Variants in PRKG1 observed in about 807,000 individuals in gnomAD.
The protein encoded by PRKG1 is cGMP-dependent protein kinase 1.
In PRKG1, 35 loss-of-function variants were observed where a neutral mutation model predicts 88.1. The ratio of observed to expected loss-of-function variants is 0.40; its 90% CI spans 0.30 to 0.53. The LOEUF is 0.53. Ranked by LOEUF, PRKG1 falls within the 20% of genes least tolerant of loss-of-function variation. The pLI is 0.59. For missense variants in PRKG1, 540 were observed against 839.8 expected (o/e 0.64, Z 4.41); for synonymous variants, 303 against 292.5 (o/e 1.04, Z -0.37).
chr10:51,453,534 AT>A (rs1233611498), intron 2 of PRKG1, among the ~76,000 whole-genome samples: 3 of 152,018 alleles, frequency 2.0e-5, no homozygotes, highest in African/African-American at 7.2e-5. Flanking sequence ...CAGTTCAAAT[AT>A]TTTTTTAATT....
intron 2 of PRKG1, among the ~76,000 whole-genome samples, chr10:51,301,803 A>C (rs1235490409): frequency 6.6e-6 from 1 of 152,184 alleles, no homozygotes; most frequent in Non-Finnish European, 1.5e-5. Flanking sequence ...TGGACATTGC[A>C]GGTTTGGCTT....
At chr10:51,552,605 C>T (rs1837166771) in intron 3 of PRKG1, among the ~76,000 whole-genome samples, 1 of 151,480 alleles carries the variant, frequency 6.6e-6, no homozygotes, top group African/African-American at 2.4e-5. Context: ...TTTATGTAAT[C>T]AATCAACTCT....
At chr10:52,058,298 T>G (rs374340405) in intron 6 of PRKG1, among the ~76,000 whole-genome samples, 91 of 152,168 alleles carry the variant, frequency 6.0e-4, no homozygotes, top group African/African-American at 2.0e-3. Context: ...GAACTGGATA[T>G]TTTACTATAA....
chr10:51,586,622 C>T (rs4935268), intron 3 of PRKG1, among the ~76,000 whole-genome samples: 2,102 of 152,186 alleles, frequency 0.014, 123 homozygotes, highest in Admixed American at 0.11. Flanking sequence ...TTTGTCCATG[C>T]TTAGGTTAGA....
intron 1 of PRKG1, among the ~76,000 whole-genome samples, chr10:51,099,610 C>T (rs914704972): frequency 3.8e-4 from 58 of 152,094 alleles, no homozygotes; most frequent in African/African-American, 1.4e-3. Context: ...AGATAGATGA[C>T]CTATATTGAG....
chr10:52,112,642 C>T (rs1220989621), intron 7 of PRKG1, among the ~76,000 whole-genome samples: 1 of 152,098 alleles, frequency 6.6e-6, no homozygotes, highest in Non-Finnish European at 1.5e-5. Context: ...CCTGTGAGAG[C>T]TTTCAGCCAA....
intron 9 of PRKG1, among the ~76,000 whole-genome samples, chr10:52,191,548 C>T (rs561868702): frequency 3.3e-5 from 5 of 152,228 alleles, no homozygotes; most frequent in East Asian, 3.9e-4. Context: ...TAATCATCTA[C>T]GTTCCTCTTG....
chr10:52,276,198 C>T (rs769095324), intron 12 of PRKG1, among the ~76,000 whole-genome samples: 46 of 152,244 alleles, frequency 3.0e-4, no homozygotes, highest in Middle Eastern at 6.8e-3. Flanking sequence ...TCTGATTGCT[C>T]TGGCTAGGAC....
At chr10:51,121,414 C>T (rs912971528) in intron 1 of PRKG1, among the ~76,000 whole-genome samples, 10 of 152,044 alleles carry the variant, frequency 6.6e-5, no homozygotes, top group African/African-American at 1.4e-4. Context: ...ATGAGTTTTT[C>T]TCTCTCTGCA....
At chr10:51,454,405 C>A (rs1167327828) in intron 2 of PRKG1, among the ~76,000 whole-genome samples, 1 of 150,132 alleles carries the variant, frequency 6.7e-6, no homozygotes, top group Non-Finnish European at 1.5e-5. Flanking sequence ...AGGCCATAGA[C>A]CAATGGAACA....
intron 3 of PRKG1, among the ~76,000 whole-genome samples, chr10:51,761,328 C>G (rs1305898051): frequency 6.6e-6 from 1 of 152,128 alleles, no homozygotes; most frequent in African/African-American, 2.4e-5. Context: ...TAGGCTGTGC[C>G]TTCCTTTTTG....
intron 3 of PRKG1, among the ~76,000 whole-genome samples, chr10:51,633,815 G>T (rs1380977780): frequency 1.3e-5 from 2 of 152,080 alleles, no homozygotes; most frequent in Admixed American, 1.3e-4. Flanking sequence ...TTTTTGGACA[G>T]CATGTAGACC....
intron 2 of PRKG1, among the ~76,000 whole-genome samples, chr10:51,250,359 G>A (rs112361230): frequency 0.02 from 3,108 of 151,944 alleles, 43 homozygotes; most frequent in Middle Eastern, 0.045. Flanking sequence ...CTTGAAACCT[G>A]AATTGGACTG....
intron 9 of PRKG1, among the ~76,000 whole-genome samples, chr10:52,245,140 T>C (rs2132387936): frequency 6.6e-6 from 1 of 151,872 alleles, no homozygotes; most frequent in Admixed American, 6.6e-5. Context: ...TGGCCAGCAT[T>C]ATATTTTGGA....
chr10:51,823,599 C>T (rs1208478250), intron 4 of PRKG1, among the ~76,000 whole-genome samples: 5 of 149,664 alleles, frequency 3.3e-5, no homozygotes, highest in Admixed American at 2.0e-4. Flanking sequence ...TCAGAGAATT[C>T]ATCCATGAAT....
intron 3 of PRKG1, among the ~76,000 whole-genome samples, chr10:51,684,174 C>A (rs1419943305): frequency 1.3e-5 from 2 of 152,102 alleles, no homozygotes; most frequent in Admixed American, 6.6e-5. Context: ...CAAAAGAATA[C>A]TAATTGACAA....
At chr10:51,973,050 G>A (rs752290478) in intron 5 of PRKG1, among the ~76,000 whole-genome samples, 7 of 152,084 alleles carry the variant, frequency 4.6e-5, no homozygotes, top group Non-Finnish European at 5.9e-5. Context: ...ATGAGGCAGC[G>A]GCACTTTGGA....
intron 3 of PRKG1, among the ~76,000 whole-genome samples, chr10:51,488,195 T>G (rs1165267017): frequency 6.6e-6 from 1 of 152,178 alleles, no homozygotes; most frequent in Non-Finnish European, 1.5e-5. Flanking sequence ...ACAGGCTGAA[T>G]GGTTTTCTAA....
intron 2 of PRKG1, among the ~76,000 whole-genome samples, chr10:51,400,400 C>T (rs1436229834): frequency 6.6e-6 from 1 of 152,066 alleles, no homozygotes; most frequent in Non-Finnish European, 1.5e-5. Context: ...ACCTAAATGG[C>T]AAGAAGGAGC....
Sources: gnomAD v4.1 joint callset for allele counts (sites outside exome capture counted in the v4.1 genomes callset) on GRCh38, gnomAD v4.1.1 for gene constraint, MANE v1.5 for transcripts, NCBI Gene and HGNC (gene_info 2026-07-23, HGNC 2026-07-21) for gene names.